Variants in SUMF1 observed in about 807,000 individuals in gnomAD.
SUMF1 encodes the protein sulfatase modifying factor 1.
A neutral mutation model predicts 47.6 loss-of-function variants in SUMF1; 48 were observed. That is an observed-to-expected ratio of 1.01 (90% CI 0.80 to 1.28). SUMF1 has a LOEUF of 1.28. Ranked by LOEUF, SUMF1 falls within the 50% of genes most tolerant of loss-of-function variation. The pLI, the probability that SUMF1 is intolerant of heterozygous loss-of-function variation, is 0.00. For synonymous variants in SUMF1, 230 were observed against 192.1 expected, an observed-to-expected ratio of 1.20 and a Z score of -1.63; for missense variants, 571 against 485.4, an observed-to-expected ratio of 1.18 and a Z score of -1.66.
rs572001626 is a variant in SUMF1, at chr3:4,219,393, T to C, written c.1015-150648A>G. Among the ~76,000 whole-genome samples, 5 of 152,258 alleles carry C rather than the reference T, an allele frequency of 3.3e-5. No individual in the cohort carries two copies. In the East Asian group the frequency reaches 9.7e-4, roughly 29 times the overall value. The stretch of plus-strand genomic sequence containing the variant: ...ACCAAAAAGTTATATAGCTCATAAG[T>C]GGATGGAACCCACACTCATATCTTC... On this transcript the variant is annotated intron_variant and NMD_transcript_variant, in intron 8 of 12. Coordinates refer to the SUMF1 transcript ENST00000448413.
intron 8 of SUMF1, among the ~76,000 whole-genome samples, chr3:4,115,572 G>C (rs1026051848): frequency 9.0e-6 from 1 of 111,392 alleles, no homozygotes; most frequent in African/African-American, 3.9e-5. Context: ...CGACCTGCCA[G>C]TATGATGCAT....
chr3:4,194,868 C>G (rs1017417398), intron 8 of SUMF1, among the ~76,000 whole-genome samples: 1 of 152,092 alleles, frequency 6.6e-6, no homozygotes, highest in African/African-American at 2.4e-5. Flanking sequence ...TGAAGATAAG[C>G]TAGCGGTAAA....
intron 8 of SUMF1, among the ~76,000 whole-genome samples, chr3:4,297,885 A>C (rs1431578218): frequency 2.6e-5 from 4 of 152,162 alleles, no homozygotes; most frequent in African/African-American, 9.7e-5. Flanking sequence ...GCCATGCAGA[A>C]CTTCATAAAA....
At chr3:4,305,658 T>C (rs762999206) in intron 8 of SUMF1, among the ~76,000 whole-genome samples, 1 of 152,128 alleles carries the variant, frequency 6.6e-6, no homozygotes, top group African/African-American at 2.4e-5. Context: ...TTATTTGTTA[T>C]TTGATGTTAT....
chr3:4,341,646 A>G (rs1483364042), intron 8 of SUMF1, among the ~76,000 whole-genome samples: 2 of 152,208 alleles, frequency 1.3e-5, no homozygotes, highest in African/African-American at 2.4e-5. Flanking sequence ...AGGTGTGACA[A>G]GCATTTATAA....
chr3:4,051,145 G>A (rs795716), intron 9 of SUMF1, among the ~76,000 whole-genome samples: 138,332 of 151,470 alleles, frequency 0.91, 64,411 homozygotes, highest in Non-Finnish European at 1. Context: ...AAAAAAGGGT[G>A]GGGAAAGGAA....
intron 8 of SUMF1, among the ~76,000 whole-genome samples, chr3:4,353,913 G>A (rs910560534): frequency 3.3e-5 from 5 of 152,090 alleles, no homozygotes; most frequent in Non-Finnish European, 5.9e-5. Flanking sequence ...ACCCAGGCTG[G>A]AGTGCAGCAG....
chr3:4,335,967 A>AC (rs1699141564), intron 8 of SUMF1, among the ~76,000 whole-genome samples: 2 of 143,998 alleles, frequency 1.4e-5, no homozygotes, highest in Admixed American at 6.8e-5. Flanking sequence ...ACTCAAAAAA[A>AC]AAAAAAAAAA....
At chr3:4,117,557 T>G (rs748637263) in intron 8 of SUMF1, among the ~76,000 whole-genome samples, 10 of 152,088 alleles carry the variant, frequency 6.6e-5, no homozygotes, top group Non-Finnish European at 1.5e-4. Flanking sequence ...GGCCTGGGCT[T>G]AGAGTCAGAA....
At chr3:4,140,977 T>C (rs1694058711) in intron 8 of SUMF1, among the ~76,000 whole-genome samples, 2 of 152,162 alleles carry the variant, frequency 1.3e-5, no homozygotes, top group Non-Finnish European at 2.9e-5. Context: ...TTGCATTTCA[T>C]GAGTTTTCAC....
intron 3 of SUMF1, among the ~76,000 whole-genome samples, chr3:4,430,420 G>C (rs1319663811): frequency 2.0e-5 from 3 of 152,120 alleles, no homozygotes; most frequent in Non-Finnish European, 4.4e-5. Context: ...GGTTGGACAA[G>C]TGACTTTCCT....
intron 8 of SUMF1, among the ~76,000 whole-genome samples, chr3:4,189,113 T>C (rs948108389): frequency 1.3e-5 from 2 of 152,144 alleles, no homozygotes; most frequent in African/African-American, 4.8e-5. Flanking sequence ...TAGTTGCTTG[T>C]ACATCAAGTC....
intron 8 of SUMF1, among the ~76,000 whole-genome samples, chr3:4,271,658 T>C (rs1022655015): frequency 2.0e-5 from 3 of 152,260 alleles, no homozygotes; most frequent in African/African-American, 7.2e-5. Context: ...CATGCCAGCA[T>C]GCCCAGCTAA....
At chr3:4,348,949 T>G (rs1417085011) in intron 8 of SUMF1, among the ~76,000 whole-genome samples, 1 of 152,116 alleles carries the variant, frequency 6.6e-6, no homozygotes, top group African/African-American at 2.4e-5. Flanking sequence ...GGGGAAAGAC[T>G]TCATGACAAA....
chr3:4,440,741 C>T (rs903501758), intron 3 of SUMF1, among the ~76,000 whole-genome samples: 1 of 152,234 alleles, frequency 6.6e-6, no homozygotes. Flanking sequence ...AAATAGCCTA[C>T]TCCTCTCATT....
chr3:4,329,300 G>C (rs985555252), intron 8 of SUMF1, among the ~76,000 whole-genome samples: 1 of 152,176 alleles, frequency 6.6e-6, no homozygotes, highest in South Asian at 2.1e-4. Flanking sequence ...TTTCCACACT[G>C]CCTTATCAGA....
At chr3:4,458,490 A>G (rs1231774982) in intron 1 of SUMF1, among the ~76,000 whole-genome samples, 1 of 152,222 alleles carries the variant, frequency 6.6e-6, no homozygotes, top group Non-Finnish European at 1.5e-5. Flanking sequence ...GATGTCCCTT[A>G]TCATATAAAT....
At chr3:4,120,887 A>G (rs1269600825) in intron 8 of SUMF1, among the ~76,000 whole-genome samples, 3 of 152,198 alleles carry the variant, frequency 2.0e-5, no homozygotes, top group African/African-American at 4.8e-5. Context: ...CCAAAATCCC[A>G]TGAATTTCTA....
intron 8 of SUMF1, among the ~76,000 whole-genome samples, chr3:4,370,378 T>G (rs145640511): frequency 1.4e-3 from 219 of 152,342 alleles, no homozygotes; most frequent in African/African-American, 4.9e-3. Flanking sequence ...CATCTGAATG[T>G]GGATATACAT....
Sources: gnomAD v4.1 joint callset for allele counts (sites outside exome capture counted in the v4.1 genomes callset) on GRCh38, gnomAD v4.1.1 for gene constraint, MANE v1.5 for transcripts, NCBI Gene and HGNC (gene_info 2026-07-23, HGNC 2026-07-21) for gene names.